Variants in SERGEF observed in about 807,000 individuals in gnomAD.
SERGEF encodes the protein secretion regulating guanine nucleotide exchange factor.
In SERGEF, 51 loss-of-function variants were observed where a neutral mutation model predicts 50.0. The ratio of observed to expected loss-of-function variants is 1.02; its 90% CI spans 0.81 to 1.29. The LOEUF (loss-of-function observed/expected upper bound fraction) is 1.29. Among genes scored for constraint, SERGEF ranks in the 50% most tolerant of loss-of-function variants. The pLI is 0.00. For synonymous variants in SERGEF, 205 were observed against 212.4 expected (o/e 0.97, Z 0.30); for missense variants, 521 against 557.0 (o/e 0.94, Z 0.65).
intron 9 of SERGEF, among the ~76,000 whole-genome samples, chr11:17,922,479 G>T (rs930759640): frequency 3.3e-5 from 5 of 152,130 alleles, no homozygotes; most frequent in African/African-American, 9.7e-5. Flanking sequence ...AAACATTGGG[G>T]TTTTTTTCTA....
At chr11:17,803,052 C>A (rs1228264325) in intron 10 of SERGEF, among the ~76,000 whole-genome samples, 1 of 152,236 alleles carries the variant, frequency 6.6e-6, no homozygotes, top group Non-Finnish European at 1.5e-5. Flanking sequence ...AGGAGGGGCT[C>A]ATTCCCTTGA....
rs200725703 is a variant in SERGEF, at chr11:17,929,382, G to C, written c.1011+30088C>G. ...CTCAGTTTTTGCTCTCTTTGAGACA[G>C]GAAGACACCCCATGGCTGTGAAGGA... On this transcript the variant is annotated intron_variant, in intron 9 of 10. Coordinates refer to ENST00000265965, the MANE Select transcript of SERGEF (RefSeq NM_012139.4). Among the ~76,000 whole-genome samples the C allele has an allele frequency of 2.6e-5, 4 of 152,144 alleles. No homozygotes were observed. The East Asian group carries it at 5.8e-4, about 22-fold the overall frequency.
chr11:17,893,192 T>C (rs1238988874), intron 9 of SERGEF, among the ~76,000 whole-genome samples: 1 of 152,170 alleles, frequency 6.6e-6, no homozygotes, highest in Non-Finnish European at 1.5e-5. Context: ...ATCCACAAAA[T>C]AGCCCTAAAA....
intron 5 of SERGEF, among the ~76,000 whole-genome samples, chr11:17,999,140 G>A (rs576798605): frequency 6.6e-6 from 1 of 152,266 alleles, no homozygotes; most frequent in African/African-American, 2.4e-5. Flanking sequence ...TTTTTGAAAT[G>A]ACAACATCAT....
intron 10 of SERGEF, among the ~76,000 whole-genome samples, chr11:17,816,289 A>G (rs1166595319): frequency 3.9e-5 from 6 of 152,210 alleles, no homozygotes; most frequent in Admixed American, 3.3e-4. Flanking sequence ...CCATTAGTGC[A>G]GCTGAGACAG....
intron 10 of SERGEF, among the ~76,000 whole-genome samples, chr11:17,869,235 T>G (rs1266001643): frequency 1.3e-5 from 2 of 152,034 alleles, no homozygotes; most frequent in African/African-American, 4.8e-5. Flanking sequence ...TATAGTAAAA[T>G]AAAAGGTTGC....
intron 10 of SERGEF, among the ~76,000 whole-genome samples, chr11:17,804,865 G>A (rs568309416): frequency 6.6e-6 from 1 of 152,318 alleles, no homozygotes; most frequent in Non-Finnish European, 1.5e-5. Flanking sequence ...GTGTTGCAGG[G>A]TTTGGAGAAC....
chr11:17,886,580 T>C (rs1369559361), intron 9 of SERGEF, among the ~76,000 whole-genome samples: 1 of 152,064 alleles, frequency 6.6e-6, no homozygotes, highest in Middle Eastern at 3.2e-3. Context: ...CATACCACTG[T>C]ACTCCAGCCT....
chr11:17,901,693 T>C (rs576063851), intron 9 of SERGEF, among the ~76,000 whole-genome samples: 1 of 152,322 alleles, frequency 6.6e-6, no homozygotes, highest in East Asian at 1.9e-4. Context: ...ATGAAGTCTT[T>C]CCTAATCTTC....
chr11:17,888,355 A>G lies in SERGEF; in HGVS notation c.1012-10111T>C, dbSNP rs1311267113. On this transcript the variant is annotated intron_variant, in intron 9 of 10. Coordinates refer to ENST00000265965, the MANE Select transcript of SERGEF (RefSeq NM_012139.4). This position sits in a 1 kb window ranked among gnomAD's most constrained non-coding sequence, Gnocchi z 4.1. ...GGTCAGAATAACTCTTGAACACAGT[A>G]CTTTGACTAAATAACTTCTGTTTAC... Among the ~76,000 whole-genome samples the G allele has an allele frequency of 6.6e-6, 1 of 152,242 alleles. No individual in the cohort carries two copies. Among genetic ancestry groups the G allele is most frequent in the Non-Finnish European group, 1.5e-5 (1 of 68,036 alleles).
At chr11:17,971,920 G>C (rs932940283) in intron 8 of SERGEF, among the ~76,000 whole-genome samples, 1 of 152,224 alleles carries the variant, frequency 6.6e-6, no homozygotes, top group African/African-American at 2.4e-5. Flanking sequence ...GAGTTTGGAA[G>C]AAGTTGATTC....
At chr11:17,980,329 T>C (rs1402535035) in intron 8 of SERGEF, among the ~76,000 whole-genome samples, 5 of 152,172 alleles carry the variant, frequency 3.3e-5, no homozygotes, top group Admixed American at 2.6e-4. Flanking sequence ...TGCCTCCTGC[T>C]AAAGTATCTT....
intron 10 of SERGEF, chr11:17,855,773 A>G (rs865849010): frequency 6.6e-6 from 1 of 152,250 alleles, no homozygotes; most frequent in South Asian, 2.1e-4. Context: ...GATTTGAAGC[A>G]AAGGGGCCTG....
chr11:17,918,662 A>T (rs7479092), intron 9 of SERGEF: 8,116 of 413,608 alleles, frequency 0.02, 274 homozygotes, highest in East Asian at 0.16. Context: ...ATACACACAC[A>T]CTCTCTCTCT....
chr11:17,959,858 T>C (rs960355328), intron 8 of SERGEF, among the ~76,000 whole-genome samples: 3 of 152,204 alleles, frequency 2.0e-5, no homozygotes, highest in African/African-American at 7.2e-5. Flanking sequence ...AAGCTGTGAG[T>C]ACCAGAGCTG....
At chr11:17,857,625 T>G (rs1222488603) in intron 10 of SERGEF, among the ~76,000 whole-genome samples, 2 of 152,236 alleles carry the variant, frequency 1.3e-5, no homozygotes, top group Admixed American at 6.5e-5. Flanking sequence ...TCAGAGGTGC[T>G]GCCCGAATAA....
chr11:17,829,759 G>A (rs186408020), intron 10 of SERGEF, among the ~76,000 whole-genome samples: 61 of 152,294 alleles, frequency 4.0e-4, no homozygotes, highest in African/African-American at 1.4e-3. Context: ...ACTTTTAGGG[G>A]TGACAATGTA....
chr11:17,911,279 G>A (rs577320367), intron 9 of SERGEF, among the ~76,000 whole-genome samples: 10 of 147,452 alleles, frequency 6.8e-5, no homozygotes, highest in Non-Finnish European at 1.2e-4. Flanking sequence ...TTCATGTCTG[G>A]CTCTGGGAAG....
chr11:17,958,653 C>T (rs1469145670), intron 9 of SERGEF, among the ~76,000 whole-genome samples: 1 of 152,104 alleles, frequency 6.6e-6, no homozygotes. Flanking sequence ...CTGATATTAC[C>T]TCATAACTGT....
Sources: gnomAD v4.1 joint callset for allele counts (sites outside exome capture counted in the v4.1 genomes callset) on GRCh38, gnomAD v4.1.1 for gene constraint, Gnocchi (gnomAD v3.1) non-coding constraint, MANE v1.5 for transcripts, NCBI Gene and HGNC (gene_info 2026-07-23, HGNC 2026-07-21) for gene names.